Variants in DSCAM observed in about 807,000 individuals in gnomAD.
DSCAM encodes DS cell adhesion molecule.
A neutral mutation model predicts 217.7 loss-of-function variants in DSCAM; 47 were observed. The observed-to-expected ratio is 0.22, with a 90% CI of 0.17 to 0.28. DSCAM has a LOEUF of 0.28. Ranked by LOEUF, DSCAM falls within the 10% of genes least tolerant of loss-of-function variation. The pLI, the probability that DSCAM is intolerant of heterozygous loss-of-function variation, is 1.00. For missense variants in DSCAM, 2,080 were observed against 2,618.3 expected (o/e 0.79, Z 4.49); for synonymous variants, 1,056 against 1,015.3 (o/e 1.04, Z -0.76).
intron 3 of DSCAM, among the ~76,000 whole-genome samples, chr21:40,600,713 G>A (rs765684930): frequency 6.6e-6 from 1 of 152,070 alleles, no homozygotes; most frequent in Non-Finnish European, 1.5e-5. Flanking sequence ...GTTAAAGCAC[G>A]TATTGTAAAA....
At chr21:40,819,001 A>G (rs2123582115) in intron 1 of DSCAM, among the ~76,000 whole-genome samples, 1 of 152,318 alleles carries the variant, frequency 6.6e-6, no homozygotes, top group Non-Finnish European at 1.5e-5. Flanking sequence ...TTGAGGTCTA[A>G]TAAGCCCTAC....
chr21:40,565,980 CG>C (rs1296768736), intron 3 of DSCAM, among the ~76,000 whole-genome samples: 5 of 152,126 alleles, frequency 3.3e-5, no homozygotes, highest in Non-Finnish European at 5.9e-5. Context: ...TCATGAAAAA[CG>C]GCACATAAAG....
At chr21:40,833,343 A>G (rs1398249911) in intron 1 of DSCAM, among the ~76,000 whole-genome samples, 1 of 152,214 alleles carries the variant, frequency 6.6e-6, no homozygotes, top group Admixed American at 6.5e-5. Flanking sequence ...TTTACCAGGC[A>G]ACAAAGAGAA....
At chr21:40,754,476 C>A (rs533583903) in intron 1 of DSCAM, among the ~76,000 whole-genome samples, 2 of 152,310 alleles carry the variant, frequency 1.3e-5, no homozygotes, top group African/African-American at 4.8e-5. Context: ...CACATTATAG[C>A]AAGTCGCCAC....
intron 3 of DSCAM, among the ~76,000 whole-genome samples, chr21:40,377,031 ATGTGACCGG>A (rs2123718459): frequency 6.6e-6 from 1 of 152,246 alleles, no homozygotes; most frequent in Non-Finnish European, 1.5e-5. Flanking sequence ...CCCTAATCCA[ATGTGACCGG>A]TGTGTCCTTA....
intron 1 of DSCAM, among the ~76,000 whole-genome samples, chr21:40,739,429 T>G (rs1569011864): frequency 6.6e-6 from 1 of 152,194 alleles, no homozygotes; most frequent in Non-Finnish European, 1.5e-5. Flanking sequence ...TGAAATTTAG[T>G]TCTCACAGTC....
chr21:40,724,508 T>C (rs2090934309), intron 1 of DSCAM, among the ~76,000 whole-genome samples: 1 of 152,064 alleles, frequency 6.6e-6, no homozygotes, highest in Non-Finnish European at 1.5e-5. Context: ...GGGAAAAAAT[T>C]ACAAAATTGA....
intron 11 of DSCAM, among the ~76,000 whole-genome samples, chr21:40,269,494 C>A (rs990499614): frequency 4.6e-5 from 7 of 152,180 alleles, no homozygotes; most frequent in African/African-American, 1.7e-4. Flanking sequence ...CAACACAAGA[C>A]CGCAAAAGAG....
At chr21:40,357,712 G>T (rs1217245810) in intron 4 of DSCAM, among the ~76,000 whole-genome samples, 4 of 152,082 alleles carry the variant, frequency 2.6e-5, no homozygotes, top group Admixed American at 2.6e-4. Context: ...GGCCTGTTGT[G>T]GGGTGCGGGG....
chr21:40,782,346 T>C (rs1372618352), intron 1 of DSCAM, among the ~76,000 whole-genome samples: 1 of 152,224 alleles, frequency 6.6e-6, no homozygotes, highest in Non-Finnish European at 1.5e-5. Context: ...GGTAATGGGC[T>C]TTCATTTTAA....
chr21:40,281,628 AT>A (rs1229720087), intron 10 of DSCAM, among the ~76,000 whole-genome samples: 2 of 152,174 alleles, frequency 1.3e-5, no homozygotes, highest in Admixed American at 6.5e-5. Flanking sequence ...CTGAGGGTTA[AT>A]TTTTTCCTCA....
intron 1 of DSCAM, among the ~76,000 whole-genome samples, chr21:40,769,408 G>A (rs1325753868): frequency 2.0e-5 from 3 of 152,160 alleles, no homozygotes; most frequent in Non-Finnish European, 4.4e-5. Context: ...AGGAGATGAG[G>A]CCTGCATGCT....
At chr21:40,670,311 C>T (rs879305764) in intron 3 of DSCAM, among the ~76,000 whole-genome samples, 6 of 152,028 alleles carry the variant, frequency 3.9e-5, no homozygotes, top group South Asian at 2.1e-4. Flanking sequence ...AACTTTCTGC[C>T]TCTGTAAATT....
At chr21:40,764,702 A>C (rs1481778327) in intron 1 of DSCAM, among the ~76,000 whole-genome samples, 2 of 152,222 alleles carry the variant, frequency 1.3e-5, no homozygotes, top group Non-Finnish European at 2.9e-5. Flanking sequence ...AACCAACCCA[A>C]ATACCCATCA....
intron 1 of DSCAM, among the ~76,000 whole-genome samples, chr21:40,767,880 TTCTC>T (rs373501065): frequency 1.3e-4 from 6 of 45,930 alleles, no homozygotes; most frequent in South Asian, 6.2e-4. Context: ...GCTCACCATT[TTCTC>T]TCTTTCTCTC....
chr21:40,362,658 G>C (rs1308253529), intron 4 of DSCAM, among the ~76,000 whole-genome samples: 1 of 152,042 alleles, frequency 6.6e-6, no homozygotes, highest in Non-Finnish European at 1.5e-5. Context: ...AAGGTTATTT[G>C]GTTATCTTAA....
At chr21:40,632,826 T>TG (rs1169647150) in intron 3 of DSCAM, among the ~76,000 whole-genome samples, 2 of 152,214 alleles carry the variant, frequency 1.3e-5, no homozygotes, top group African/African-American at 4.8e-5. Flanking sequence ...AATGGAAAGA[T>TG]GGACGTGACC....
chr21:40,078,841 T>G lies in DSCAM; in HGVS notation c.4557A>C (p.Thr1519=). 1 of 1,614,216 alleles carries G rather than the reference T, an allele frequency of 6.2e-7. No homozygotes were observed. ...AGGTCCTCTGAGCTGTGGTCCAAAC[T>G]GTGGTCCCAAAGGGCCTGTACTCTA... The part of the protein sequence containing the change: ...FTLEYRPFGT[T]VWTTAQRTSL... Residue 1519 remains threonine, a synonymous_variant, in exon 26 of 33, where the codon ACA becomes ACC. Transcript: ENST00000400454.
intron 3 of DSCAM, chr21:40,629,756 G>A (rs2089662390): frequency 6.6e-6 from 1 of 152,152 alleles, no homozygotes; most frequent in African/African-American, 2.4e-5. Flanking sequence ...TACAGTGATT[G>A]TTCAATGTCT....
Sources: allele counts gnomAD v4.1 joint callset (sites outside exome capture counted in the v4.1 genomes callset), GRCh38; gene constraint gnomAD v4.1.1; transcripts MANE v1.5; gene names NCBI Gene and HGNC (gene_info 2026-07-23, HGNC 2026-07-21).